LCP2: variants seen among roughly 807,000 people sequenced by gnomAD.
The protein encoded by LCP2 is 76 kDa tyrosine phosphoprotein.
LCP2 carries 29 observed loss-of-function variants against 74.5 expected under a neutral mutation model. The observed-to-expected ratio is 0.39, with a 90% CI of 0.29 to 0.53. LCP2 has a LOEUF of 0.53. Among genes scored for constraint, LCP2 ranks in the 20% least tolerant of loss-of-function variants. The pLI, the probability that LCP2 is intolerant of heterozygous loss-of-function variation, is 0.72. For missense variants in LCP2, 604 were observed against 634.6 expected (o/e 0.95, Z 0.52); for synonymous variants, 228 against 229.5 (o/e 0.99, Z 0.06).
intron 2 of LCP2, 94 bp from the exon 3 acceptor site, chr5:170,288,110 TG>T (rs1274813598): frequency 2.3e-6 from 3 of 1,293,698 alleles, no homozygotes; most frequent in Non-Finnish European, 3.3e-6. Flanking sequence ...ATATAGGGAG[TG>T]GTGGGGACTG....
chr5:170,287,302 A>T (rs1185842352), intron 3 of LCP2, among the ~76,000 whole-genome samples: 1 of 152,184 alleles, frequency 6.6e-6, no homozygotes, highest in Admixed American at 6.5e-5. Context: ...AACAAAACAA[A>T]ACAACGGGGC....
chr5:170,285,360 G>A (rs900838426), intron 3 of LCP2, among the ~76,000 whole-genome samples: 3 of 152,052 alleles, frequency 2.0e-5, no homozygotes, highest in Non-Finnish European at 2.9e-5. Context: ...TGATGTTTTA[G>A]TTTTTCTCTT....
intron 18 of LCP2, 79 bp downstream of exon 18, chr5:170,253,040 G>T: frequency 1.2e-6 from 1 of 857,002 alleles, no homozygotes; most frequent in South Asian, 1.5e-5. Flanking sequence ...AAGTACAGAA[G>T]AACATTCAAT....
intron 3 of LCP2, among the ~76,000 whole-genome samples, chr5:170,286,556 T>A (rs896435223): frequency 1.3e-5 from 2 of 152,230 alleles, no homozygotes; most frequent in African/African-American, 4.8e-5. Flanking sequence ...TATTAAAATG[T>A]GGCTAGTGCC....
chr5:170,267,358 G>T (rs1761785153), intron 8 of LCP2: 1 of 508,722 alleles, frequency 2.0e-6, no homozygotes, highest in Non-Finnish European at 3.6e-6. Flanking sequence ...TTAATGTCCT[G>T]CGAGGCCCTG....
chr5:170,253,278 C>G, intron 17 of LCP2, 65 bp from the exon 18 acceptor site: 2 of 1,112,240 alleles, frequency 1.8e-6, no homozygotes, highest in Non-Finnish European at 2.6e-6. Context: ...TATCAAAACA[C>G]AAAACACATT....
chr5:170,275,011 A>G (rs977076456), intron 5 of LCP2, among the ~76,000 whole-genome samples: 4 of 147,900 alleles, frequency 2.7e-5, no homozygotes, highest in African/African-American at 9.9e-5. Flanking sequence ...ATGCAGGGGG[A>G]CTAGCTAAGC....
chr5:170,282,520 C>T (rs1394011276), intron 3 of LCP2, among the ~76,000 whole-genome samples: 1 of 152,188 alleles, frequency 6.6e-6, no homozygotes, highest in Non-Finnish European at 1.5e-5. Context: ...GCAAAGTCAG[C>T]TTTAGAGCCT....
At position 170,248,939 on chromosome 5, in the gene LCP2, A is replaced by G. The variant is rs937921517; in HGVS notation, c.1480-120T>C. 8 of 944,674 alleles carry G rather than the reference A, an allele frequency of 8.5e-6. 1 individual carries two copies. Among genetic ancestry groups the G allele is most frequent in the African/African-American group, 3.7e-5 (2 of 54,666 alleles). The allele number at this position is 944,674 out of a possible 1,614,324, so 58.5% of individuals were successfully genotyped here. A position where few individuals can be genotyped will look rare whatever the true frequency, so the allele number is the denominator to read the frequency against. Reference sequence around the variant, plus strand: ...TTCAAGTGATGAGGATTGTGGGGGGAAAAAATGTAAATGTGGCAATTAGTT... The same window carrying G: ...TTCAAGTGATGAGGATTGTGGGGGGGAAAAATGTAAATGTGGCAATTAGTT... On this transcript the variant is annotated intron_variant, in intron 20 of 20. Coordinates refer to ENST00000046794, the MANE Select transcript of LCP2 (RefSeq NM_005565.5).
chr5:170,283,565 C>T (rs1762137967), intron 3 of LCP2, among the ~76,000 whole-genome samples: 2 of 152,294 alleles, frequency 1.3e-5, no homozygotes, highest in South Asian at 2.1e-4. Flanking sequence ...GCTGGGCTGT[C>T]CTCCAAATCA....
intron 10 of LCP2, among the ~76,000 whole-genome samples, chr5:170,265,149 G>A (rs1246258122): frequency 6.6e-6 from 1 of 151,858 alleles, no homozygotes; most frequent in Non-Finnish European, 1.5e-5. Flanking sequence ...CACCATGCCT[G>A]GTTAATTTTT....
intron 1 of LCP2, among the ~76,000 whole-genome samples, chr5:170,296,659 A>G (rs1762390914): frequency 6.6e-6 from 1 of 152,230 alleles, no homozygotes; most frequent in Non-Finnish European, 1.5e-5. Flanking sequence ...TAGAGGGACT[A>G]TAACTAAGTC....
chr5:170,287,825 C>T, intron 3 of LCP2, 145 bp downstream of exon 3: 5 of 737,532 alleles, frequency 6.8e-6, no homozygotes, highest in Non-Finnish European at 1.2e-5. Context: ...TTCTGTTCCC[C>T]ACATCCTGCC....
intron 6 of LCP2, among the ~76,000 whole-genome samples, chr5:170,272,265 T>A (rs962689942): frequency 1.6e-4 from 24 of 152,204 alleles, no homozygotes; most frequent in Admixed American, 3.9e-4. Flanking sequence ...TTTCTCCCAA[T>A]CATTTGGCTC....
chr5:170,291,116 GAGGGAAGGGGAGAGGGGAGGACA>G (rs534989643), intron 2 of LCP2, among the ~76,000 whole-genome samples: 13,713 of 145,076 alleles, frequency 0.095, 889 homozygotes, highest in Middle Eastern at 0.13. Flanking sequence ...GAAGGGAAAA[GAGGGAAGGGGAGAGGGGAGGACA>G]AGGGAAGGGG....
At chr5:170,250,321 A>C (rs995503325) in intron 20 of LCP2, among the ~76,000 whole-genome samples, 7 of 152,238 alleles carry the variant, frequency 4.6e-5, no homozygotes, top group Non-Finnish European at 8.8e-5. Flanking sequence ...AAATGAGCCA[A>C]GTATTTGAAT....
chr5:170,249,043 C>T (rs1045622594), intron 20 of LCP2, among the ~76,000 whole-genome samples: 2 of 152,062 alleles, frequency 1.3e-5, no homozygotes, highest in African/African-American at 4.8e-5. Context: ...AAATATGGGC[C>T]GGGTGCAGTA....
intron 6 of LCP2, chr5:170,274,028 G>A (rs1761941837): frequency 4.1e-6 from 2 of 493,320 alleles, no homozygotes; most frequent in Admixed American, 3.4e-5. Flanking sequence ...GAAGGTTTAT[G>A]GGCGCAAAGC....
At position 170,274,341 on chromosome 5, in the gene LCP2, G is replaced by A; in HGVS notation, c.287-3C>T. On this transcript the variant is annotated splice_polypyrimidine_tract_variant and splice_region_variant and intron_variant, in intron 5 of 20. Transcript: ENST00000046794. ...CCCATTGTCCTCTTCGTGGCTTTCT[G>A]TGGAAGGAGATGACACCACCATCAG... 6.2e-7 allele frequency: 1 copy of A among 1,612,998 alleles called. No homozygotes were observed. Among genetic ancestry groups the A allele is most frequent in the Non-Finnish European group, 8.5e-7 (1 of 1,179,506 alleles).
Sources: gnomAD v4.1 joint callset for allele counts (sites outside exome capture counted in the v4.1 genomes callset) on GRCh38, gnomAD v4.1.1 for gene constraint, MANE v1.5 for transcripts, NCBI Gene and HGNC (gene_info 2026-07-23, HGNC 2026-07-21) for gene names.